Variants in CES3 observed in about 807,000 individuals in gnomAD.
CES3 encodes the protein carboxylesterase 3 (brain).
Under a neutral mutation model 57.6 loss-of-function variants are expected in CES3, and 49 were observed. The ratio of observed to expected loss-of-function variants is 0.85; its 90% CI spans 0.68 to 1.08. CES3 has a LOEUF of 1.08. Ranked by LOEUF, CES3 falls within the 50% of genes least tolerant of loss-of-function variation. The probability of loss-of-function intolerance (pLI) is 0.00; values close to 1 mark genes in which losing one functional copy is unlikely to be tolerated. For synonymous variants in CES3, 266 were observed against 281.6 expected, an observed-to-expected ratio of 0.94 and a Z score of 0.55; for missense variants, 645 against 742.0, an observed-to-expected ratio of 0.87 and a Z score of 1.52.
Position 66,964,742 on chromosome 16 carries a change from C to T in CES3, c.819+15C>T. On this transcript the variant is annotated intron_variant, in intron 6 of 12. Transcript: ENST00000303334. ...CCCTAGCTCAGGTCTGTATTTCCTT[C>T]CCTCTCTTACTCTATGTGTGCCTCC... is the stretch of plus-strand genomic sequence containing the variant. 1.2e-6 allele frequency: 2 copies of T among 1,604,122 alleles called. No individual in the cohort carries two copies. The highest frequency in any genetic ancestry group is 1.7e-6 in the Non-Finnish European group (2 of 1,171,710).
chr16:66,966,972 A>T, intron 8 of CES3, 107 bp downstream of exon 8: 1 of 1,332,430 alleles, frequency 7.5e-7, no homozygotes, highest in Non-Finnish European at 1.0e-6. Context: ...CGTTACTCCC[A>T]TTTGATAAGT....
intron 9 of CES3, 83 bp downstream of exon 9, chr16:66,969,842 C>A: frequency 8.0e-7 from 1 of 1,254,482 alleles, no homozygotes; most frequent in Non-Finnish European, 1.1e-6. Flanking sequence ...CAGTCTCTGC[C>A]CCTACCTTCC....
intron 1 of CES3, among the ~76,000 whole-genome samples, chr16:66,962,388 G>T (rs1022075817): frequency 1.3e-5 from 2 of 152,220 alleles, no homozygotes; most frequent in African/African-American, 2.4e-5. Context: ...TTGTGTTGTT[G>T]TAAAAGAATA....
intron 10 of CES3, 112 bp downstream of exon 10, chr16:66,971,431 C>G: frequency 9.4e-7 from 1 of 1,066,548 alleles, no homozygotes; most frequent in Non-Finnish European, 1.4e-6. Context: ...CCTTGCACCC[C>G]ACACCCCACT....
chr16:66,969,342 G>T (rs1236640022), intron 8 of CES3, among the ~76,000 whole-genome samples: 1 of 152,188 alleles, frequency 6.6e-6, no homozygotes, highest in African/African-American at 2.4e-5. Context: ...GGAGGCGGAG[G>T]TTGCGGTGAG....
rs776432254 is a variant in CES3 at position 66,963,869 on chromosome 16, T to C, written c.494T>C (p.Leu165Pro). ...GCCACCTCCTACGATGGATCAGCTC[T>C]GGCTGCCTATGGGGATGTGGTCGTG... ...GAATSYDGSA[L>P]AAYGDVVVVT... Residue 165 changes from leucine to proline, a missense_variant, in exon 4 of 13, where the codon CTG (leucine) becomes CCG (proline). Leu to Pro is a moderately conservative substitution (Grantham distance 98). Coordinates refer to ENST00000303334, the MANE Select transcript of CES3 (RefSeq NM_024922.6). This position sits in a 1 kb window ranked among gnomAD's most constrained non-coding sequence, Gnocchi z 4.9. 6.2e-7 allele frequency: 1 copy of C among 1,614,198 alleles called. No individual in the cohort carries two copies. Among genetic ancestry groups the C allele is most frequent in the Non-Finnish European group, 8.5e-7 (1 of 1,180,014 alleles).
At chr16:66,972,580 A>G in intron 11 of CES3, 75 bp downstream of exon 11, 1 of 1,607,918 alleles carries the variant, frequency 6.2e-7, no homozygotes, top group Middle Eastern at 1.7e-4. Flanking sequence ...TTGCAGGAAC[A>G]CGGGTCTCCA....
Position 66,972,715 on chromosome 16 carries a change from A to G in CES3, c.1489A>G (p.Met497Val). ...GGAGAAGCAGCTAAGCCTCACCATG[A>G]TGGCCCAGTGGACCCACTTTGCCCG... is the stretch of plus-strand genomic sequence containing the variant. ...EEEKQLSLTM[M>V]AQWTHFARTG... is the part of the protein sequence containing the mutation. The change falls in exon 12 of 13, where the codon ATG becomes GTG. Residue 497 changes from methionine (M) to valine (V), a missense_variant. Met to Val is a conservative substitution (Grantham distance 21). Transcript: ENST00000303334. 6.2e-7 allele frequency: 1 copy of G among 1,614,226 alleles called. No homozygotes were observed. The highest frequency in any genetic ancestry group is 8.5e-7 in the Non-Finnish European group (1 of 1,180,044).
intron 6 of CES3, among the ~76,000 whole-genome samples, chr16:66,965,220 G>A (rs1963712885): frequency 6.6e-6 from 1 of 152,256 alleles, no homozygotes; most frequent in Non-Finnish European, 1.5e-5. Flanking sequence ...GGCAGGAAGT[G>A]AAGGTGCTGG....
rs775185204 is a variant in CES3 at position 66,963,412 on chromosome 16, C to T, written c.287+29C>T. On this transcript the variant is annotated intron_variant, in intron 2 of 12. Coordinates refer to ENST00000303334, the MANE Select transcript of CES3 (RefSeq NM_024922.6). This position sits in a 1 kb window ranked among gnomAD's most constrained non-coding sequence, Gnocchi z 4.9. ...AGTAGTGCTGGTGGAGGCGGGCAAA[C>T]AGGCAGGTTGCAGGAGAATCCTGCT... 6.2e-7 allele frequency: 1 copy of T among 1,611,684 alleles called. No individual in the cohort carries two copies. Among genetic ancestry groups the T allele is most frequent in the South Asian group, 1.1e-5 (1 of 91,048 alleles).
intron 9 of CES3, among the ~76,000 whole-genome samples, chr16:66,970,171 C>G (rs1484140081): frequency 6.6e-6 from 1 of 150,704 alleles, no homozygotes; most frequent in Non-Finnish European, 1.5e-5. Flanking sequence ...TGCAGTGGCC[C>G]GATCTCGGCT....
In CES3 at chr16:66,963,405, G is replaced by A. The variant is rs745421061; in HGVS notation, c.287+22G>A. ...CAATGTGAGTAGTGCTGGTGGAGGCGGGCAAACAGGCAGGTTGCAGGAGAA... is the reference window on the plus strand; with the variant it reads ...CAATGTGAGTAGTGCTGGTGGAGGCAGGCAAACAGGCAGGTTGCAGGAGAA... On this transcript the variant is annotated intron_variant, in intron 2 of 12. Coordinates refer to ENST00000303334, the MANE Select transcript of CES3 (RefSeq NM_024922.6). The surrounding 1 kb of genome is among the most constrained non-coding windows in gnomAD (Gnocchi z 4.9). 1.7e-5 allele frequency: 28 copies of A among 1,611,382 alleles called. No homozygotes were observed. The highest frequency in any genetic ancestry group is 6.7e-5 in the East Asian group (3 of 44,842).
chr16:66,962,128 T>C (rs1226122200), intron 1 of CES3, among the ~76,000 whole-genome samples: 1 of 152,154 alleles, frequency 6.6e-6, no homozygotes, highest in Non-Finnish European at 1.5e-5. Flanking sequence ...AGGTTTACGA[T>C]TGGCAGCAGG....
intron 6 of CES3, among the ~76,000 whole-genome samples, chr16:66,965,627 C>G (rs1963718809): frequency 6.6e-6 from 1 of 152,172 alleles, no homozygotes; most frequent in Non-Finnish European, 1.5e-5. Context: ...CTCCCCATGG[C>G]CAGGAGAGAT....
At chr16:66,964,171 G>A (rs1177245462) in intron 4 of CES3, among the ~76,000 whole-genome samples, 186 bp from the exon 5 acceptor site, 1 of 152,228 alleles carries the variant, frequency 6.6e-6, no homozygotes, top group Non-Finnish European at 1.5e-5. Flanking sequence ...CTGGGCTGAA[G>A]CCCAGGTTCC....
chr16:66,969,548 G>A (rs941491497), intron 8 of CES3, 131 bp from the exon 9 acceptor site: 21 of 774,980 alleles, frequency 2.7e-5, no homozygotes, highest in African/African-American at 1.2e-4. Flanking sequence ...TGGACTTTTC[G>A]GCCCCATTTT....
At chr16:66,964,962 T>C (rs1178595019) in intron 6 of CES3, among the ~76,000 whole-genome samples, 1 of 152,188 alleles carries the variant, frequency 6.6e-6, no homozygotes, top group African/African-American at 2.4e-5. Flanking sequence ...TGGCCCTTTC[T>C]CCAGGGTGGG....
Position 66,963,408 on chromosome 16 carries a change from C to T in CES3, c.287+25C>T, listed in dbSNP as rs1422460688. On this transcript the variant is annotated intron_variant, in intron 2 of 12. Coordinates refer to ENST00000303334, the MANE Select transcript of CES3 (RefSeq NM_024922.6). The surrounding 1 kb of genome is among the most constrained non-coding windows in gnomAD (Gnocchi z 4.9). ...TGTGAGTAGTGCTGGTGGAGGCGGG[C>T]AAACAGGCAGGTTGCAGGAGAATCC... is the stretch of plus-strand genomic sequence containing the variant. 6.2e-7 allele frequency: 1 copy of T among 1,611,588 alleles called. No individual in the cohort carries two copies. Among genetic ancestry groups the T allele is most frequent in the East Asian group, 2.2e-5 (1 of 44,832 alleles).
At chr16:66,968,503 G>T (rs963154877) in intron 8 of CES3, among the ~76,000 whole-genome samples, 1 of 152,174 alleles carries the variant, frequency 6.6e-6, no homozygotes, top group African/African-American at 2.4e-5. Context: ...GGCTAATAGC[G>T]CAGTGAATGT....
Sources: allele counts gnomAD v4.1 joint callset (sites outside exome capture counted in the v4.1 genomes callset), GRCh38; gene constraint gnomAD v4.1.1; non-coding constraint Gnocchi (gnomAD v3.1); transcripts MANE v1.5; gene names NCBI Gene and HGNC (gene_info 2026-07-23, HGNC 2026-07-21).